BRINP3: variants seen among roughly 807,000 people sequenced by gnomAD.
The protein encoded by BRINP3 is BMP/retinoic acid-inducible neural-specific protein 3.
Under a neutral mutation model 71.0 loss-of-function variants are expected in BRINP3, and 19 were observed. That is an observed-to-expected ratio of 0.27 (90% CI 0.19 to 0.39). The LOEUF is 0.39. BRINP3 is among the 10% of genes least tolerant of loss of function. The pLI is 1.00. For synonymous variants in BRINP3, 380 were observed against 337.7 expected, an observed-to-expected ratio of 1.13 and a Z score of -1.37; for missense variants, 959 against 940.8, an observed-to-expected ratio of 1.02 and a Z score of -0.25.
chr1:190,420,435 G>C (rs1382914610), intron 2 of BRINP3, among the ~76,000 whole-genome samples: 1 of 151,950 alleles, frequency 6.6e-6, no homozygotes, highest in African/African-American at 2.4e-5. Context: ...ACCATCATCA[G>C]AGTAGGCCAA....
At chr1:190,228,868 G>A (rs78069994) in intron 5 of BRINP3, among the ~76,000 whole-genome samples, 9 of 152,026 alleles carry the variant, frequency 5.9e-5, no homozygotes, top group Non-Finnish European at 1.0e-4. Context: ...TCTACCTAGT[G>A]CTGGAACAAT....
At chr1:190,310,776 T>C (rs1417081888) in intron 2 of BRINP3, among the ~76,000 whole-genome samples, 1 of 151,782 alleles carries the variant, frequency 6.6e-6, no homozygotes, top group Non-Finnish European at 1.5e-5. Flanking sequence ...AGGCTTTTAA[T>C]TGCTCATCTT....
intron 6 of BRINP3, among the ~76,000 whole-genome samples, chr1:190,162,399 T>C (rs1174901386): frequency 6.6e-6 from 1 of 152,014 alleles, no homozygotes; most frequent in African/African-American, 2.4e-5. Flanking sequence ...CATCTCTGCC[T>C]CCCAAAGTGC....
intron 2 of BRINP3, among the ~76,000 whole-genome samples, chr1:190,387,300 GA>G (rs983570084): frequency 2.0e-5 from 3 of 151,992 alleles, no homozygotes; most frequent in African/African-American, 7.2e-5. Context: ...AACTTGGCTT[GA>G]AAACAGTTCA....
At chr1:190,218,414 T>G (rs543367040) in intron 6 of BRINP3, among the ~76,000 whole-genome samples, 1 of 152,234 alleles carries the variant, frequency 6.6e-6, no homozygotes, top group South Asian at 2.1e-4. Context: ...ACCATGATTT[T>G]AAAATCATTT....
At chr1:190,357,805 A>C (rs1668835968) in intron 2 of BRINP3, among the ~76,000 whole-genome samples, 3 of 152,006 alleles carry the variant, frequency 2.0e-5, no homozygotes, top group Non-Finnish European at 2.9e-5. Flanking sequence ...CTGGTACCAA[A>C]ACAGAGATGT....
intron 2 of BRINP3, among the ~76,000 whole-genome samples, chr1:190,392,267 T>C (rs1435646189): frequency 1.3e-5 from 2 of 151,718 alleles, no homozygotes; most frequent in East Asian, 3.9e-4. Flanking sequence ...CTTAATAATG[T>C]CAATAATATA....
chr1:190,464,137 G>GGTT (rs1558309977), intron 1 of BRINP3, among the ~76,000 whole-genome samples: 1 of 147,348 alleles, frequency 6.8e-6, no homozygotes, highest in African/African-American at 2.5e-5. Flanking sequence ...TTCAAAAAGT[G>GGTT]TTTTTTTTTA....
intron 6 of BRINP3, among the ~76,000 whole-genome samples, chr1:190,163,699 A>C (rs777805545): frequency 3.9e-5 from 6 of 152,106 alleles, no homozygotes; most frequent in African/African-American, 7.2e-5. Flanking sequence ...TTATAGATGA[A>C]TAATGAGGCA....
intron 6 of BRINP3, among the ~76,000 whole-genome samples, chr1:190,197,929 C>G (rs1654636674): frequency 6.6e-6 from 1 of 152,156 alleles, no homozygotes; most frequent in Non-Finnish European, 1.5e-5. Flanking sequence ...CAGAGGGTCC[C>G]CATAATGGCT....
chr1:190,230,837 AT>A (rs1343333728), intron 5 of BRINP3, among the ~76,000 whole-genome samples: 3 of 151,720 alleles, frequency 2.0e-5, no homozygotes, highest in African/African-American at 7.2e-5. Context: ...TCATTCGACT[AT>A]CCCTAAATAT....
intron 6 of BRINP3, among the ~76,000 whole-genome samples, chr1:190,187,902 T>G (rs61819041): frequency 0.17 from 25,791 of 150,068 alleles, 2,671 homozygotes; most frequent in Non-Finnish European, 0.24. Flanking sequence ...TTTTTTTTTC[T>G]ATTTTTTTTG....
chr1:190,114,151 G>A (rs979293469), intron 7 of BRINP3, among the ~76,000 whole-genome samples: 2 of 152,072 alleles, frequency 1.3e-5, no homozygotes, highest in African/African-American at 4.8e-5. Flanking sequence ...CCCTGTAGAA[G>A]TGTATGGCAT....
intron 6 of BRINP3, among the ~76,000 whole-genome samples, chr1:190,209,743 C>T (rs1254550571): frequency 6.6e-6 from 1 of 152,080 alleles, no homozygotes; most frequent in Non-Finnish European, 1.5e-5. Flanking sequence ...TTCTAATGGT[C>T]TAAAATCCAA....
intron 6 of BRINP3, among the ~76,000 whole-genome samples, chr1:190,217,296 C>T (rs1238569262): frequency 1.3e-5 from 2 of 151,668 alleles, no homozygotes; most frequent in African/African-American, 4.8e-5. Flanking sequence ...ATTATTTTCC[C>T]AATGTAATAG....
At chr1:190,289,277 TATGTCTTAAA>T (rs1663672389) in intron 2 of BRINP3, among the ~76,000 whole-genome samples, 1 of 151,990 alleles carries the variant, frequency 6.6e-6, no homozygotes, top group Non-Finnish European at 1.5e-5. Context: ...TTTCCTGAAA[TATGTCTTAAA>T]ATGTCTTAAA....
At chr1:190,426,619 A>G (rs1318349312) in intron 2 of BRINP3, among the ~76,000 whole-genome samples, 4 of 151,902 alleles carry the variant, frequency 2.6e-5, no homozygotes, top group African/African-American at 9.7e-5. Context: ...GTAGAAGGAA[A>G]TACAACAAAA....
chr1:190,123,577 T>A (rs1311395763), intron 7 of BRINP3, among the ~76,000 whole-genome samples: 1 of 152,146 alleles, frequency 6.6e-6, no homozygotes, highest in Non-Finnish European at 1.5e-5. Flanking sequence ...TGACTTATAT[T>A]TAGATAGTAC....
chr1:190,334,346 C>T (rs977691057), intron 2 of BRINP3, among the ~76,000 whole-genome samples: 1 of 151,744 alleles, frequency 6.6e-6, no homozygotes, highest in African/African-American at 2.4e-5. Flanking sequence ...GGTTTCCCAT[C>T]ATAATGTGGA....
Sources: gnomAD v4.1 joint callset for allele counts (sites outside exome capture counted in the v4.1 genomes callset) on GRCh38, gnomAD v4.1.1 for gene constraint, MANE v1.5 for transcripts, NCBI Gene and HGNC (gene_info 2026-07-23, HGNC 2026-07-21) for gene names.